SH3KBP1: variants seen among roughly 807,000 people sequenced by gnomAD.
SH3KBP1 encodes the protein SH3 domain containing kinase binding protein 1.
In SH3KBP1, 8 loss-of-function variants were observed where a neutral mutation model predicts 50.1. The ratio of observed to expected loss-of-function variants is 0.16; its 90% CI spans 0.09 to 0.29. The LOEUF (loss-of-function observed/expected upper bound fraction) is 0.29, where lower values mean the gene tolerates loss of function less well. SH3KBP1 is among the 10% of genes least tolerant of loss of function. SH3KBP1 has a pLI of 1.00. For missense variants in SH3KBP1, 377 were observed against 535.2 expected (o/e 0.70, Z 2.92); for synonymous variants, 227 against 218.6 (o/e 1.04, Z -0.34).
intron 7 of SH3KBP1, among the ~76,000 whole-genome samples, chrX:19,632,921 A>G (rs2061611187): frequency 1.8e-5 from 2 of 112,166 alleles, no homozygotes; most frequent in Admixed American, 9.4e-5. Context: ...AATGGCTGTG[A>G]ATGGCCTTAG....
At chrX:19,693,162 G>A (rs2063339155) in intron 5 of SH3KBP1, among the ~76,000 whole-genome samples, 1 of 111,984 alleles carries the variant, frequency 8.9e-6, no homozygotes, top group Non-Finnish European at 1.9e-5. Flanking sequence ...ACTTTGCAGA[G>A]CACCTGGACA....
intron 3 of SH3KBP1, among the ~76,000 whole-genome samples, chrX:19,743,352 T>G (rs1261114444): frequency 9.1e-6 from 1 of 109,421 alleles, no homozygotes; most frequent in Non-Finnish European, 1.9e-5. Context: ...GAGGCTGCAG[T>G]GAGCCATGAT....
chrX:19,608,180 A>T (rs981538063), intron 8 of SH3KBP1, 135 bp from the exon 9 acceptor site: 14 of 465,731 alleles, frequency 3.0e-5, no homozygotes, highest in Non-Finnish European at 4.6e-5. Context: ...AAGTCAGCAC[A>T]AACCCCAATG....
chrX:19,837,759 T>C (rs2068099145), intron 1 of SH3KBP1, among the ~76,000 whole-genome samples: 1 of 110,900 alleles, frequency 9.0e-6, no homozygotes, highest in Non-Finnish European at 1.9e-5. Context: ...CTTTTTTATT[T>C]GCAGATCCGT....
chrX:19,677,144 A>G (rs2062947148), intron 6 of SH3KBP1, among the ~76,000 whole-genome samples: 1 of 112,061 alleles, frequency 8.9e-6, no homozygotes, highest in African/African-American at 3.2e-5. Flanking sequence ...AAAACCCAGC[A>G]TTATTCTATA....
chrX:19,807,436 T>C (rs1197550177), intron 2 of SH3KBP1, among the ~76,000 whole-genome samples: 1 of 111,044 alleles, frequency 9.0e-6, no homozygotes, highest in African/African-American at 3.3e-5. Flanking sequence ...TTATGCTTCT[T>C]GTTCTCTGCT....
chrX:19,578,488 C>T (rs1321458306), intron 12 of SH3KBP1, among the ~76,000 whole-genome samples: 2 of 111,500 alleles, frequency 1.8e-5, no homozygotes, highest in South Asian at 7.6e-4. Flanking sequence ...CAGCTGAAGC[C>T]CCCATTTTAT....
chrX:19,542,805 T>C (rs985650136), intron 15 of SH3KBP1, among the ~76,000 whole-genome samples: 4 of 110,869 alleles, frequency 3.6e-5, no homozygotes, highest in African/African-American at 1.3e-4. Context: ...CAGAGCAAAA[T>C]GCATTGGTGG....
chrX:19,820,519 C>T (rs1306966702), intron 2 of SH3KBP1, among the ~76,000 whole-genome samples: 1 of 111,287 alleles, frequency 9.0e-6, no homozygotes, highest in East Asian at 2.8e-4. Flanking sequence ...TTATATGTAG[C>T]CACTCCTGCT....
At chrX:19,544,891 A>AT (rs2065043204) in intron 15 of SH3KBP1, among the ~76,000 whole-genome samples, 1 of 111,896 alleles carries the variant, frequency 8.9e-6, no homozygotes, top group Non-Finnish European at 1.9e-5. Context: ...GTCCACCAGT[A>AT]GATGTCACTG....
intron 12 of SH3KBP1, among the ~76,000 whole-genome samples, chrX:19,584,280 T>A (rs376552507): frequency 3.3e-5 from 3 of 90,664 alleles, no homozygotes; most frequent in African/African-American, 1.3e-4. Context: ...TATATATATA[T>A]AAATATATTT....
At chrX:19,821,422 A>T (rs1447437896) in intron 2 of SH3KBP1, among the ~76,000 whole-genome samples, 1 of 111,693 alleles carries the variant, frequency 9.0e-6, no homozygotes, top group East Asian at 2.8e-4. Flanking sequence ...TTAATGACAC[A>T]TACCCTATAC....
At chrX:19,805,538 A>C (rs1394345223) in intron 2 of SH3KBP1, among the ~76,000 whole-genome samples, 14 of 108,760 alleles carry the variant, frequency 1.3e-4, no homozygotes, top group Non-Finnish European at 2.5e-4. Context: ...AAAAAAAAAA[A>C]AAAAAACACC....
At chrX:19,876,246 A>G (rs2069246694) in intron 1 of SH3KBP1, among the ~76,000 whole-genome samples, 1 of 111,750 alleles carries the variant, frequency 8.9e-6, no homozygotes, top group African/African-American at 3.3e-5. Flanking sequence ...CTGTAATCCC[A>G]GCTACTCGGG....
At chrX:19,632,014 C>G in intron 7 of SH3KBP1, 56 bp from the exon 8 acceptor site, 1 of 770,648 alleles carries the variant, frequency 1.3e-6, no homozygotes, top group Non-Finnish European at 1.9e-6. Context: ...TGAGCTGGCC[C>G]AGGAGAAAAT....
In SH3KBP1 at chrX:19,631,832, G is replaced by A. The variant is rs371748027; in HGVS notation, c.897+32C>T. On this transcript the variant is annotated intron_variant, in intron 8 of 17. Transcript: ENST00000397821. ...CAGTCAACACCCCAAAGCAGTTCGCGATTTAGAAGGTAGGAGACAACCTTT... is the reference window on the plus strand; with the variant it reads ...CAGTCAACACCCCAAAGCAGTTCGCAATTTAGAAGGTAGGAGACAACCTTT... The A allele has an allele frequency of 4.5e-5, 46 of 1,011,029 alleles. No individual in the cohort carries two copies. In the Middle Eastern group the frequency reaches 7.6e-4, roughly 17 times the overall value. 83.3% of individuals were successfully genotyped at this position (1,011,029 alleles called of 1,213,427 possible).
chrX:19,818,747 G>A (rs753218734), intron 2 of SH3KBP1, among the ~76,000 whole-genome samples: 1 of 111,847 alleles, frequency 8.9e-6, no homozygotes, highest in East Asian at 2.8e-4. Flanking sequence ...CACTGAAGTG[G>A]CCTTGCACAT....
intron 6 of SH3KBP1, among the ~76,000 whole-genome samples, chrX:19,667,431 C>A (rs1433530881): frequency 9.0e-6 from 1 of 110,924 alleles, no homozygotes; most frequent in Non-Finnish European, 1.9e-5. Flanking sequence ...CAAAACCTGT[C>A]TGGGGGCAAC....
At chrX:19,724,229 G>T (rs111239727) in intron 3 of SH3KBP1, among the ~76,000 whole-genome samples, 20 of 111,099 alleles carry the variant, frequency 1.8e-4, no homozygotes, top group Non-Finnish European at 3.4e-4. Context: ...GAAAAAAAAT[G>T]AATGAAGATT....
Sources: gnomAD v4.1 joint callset for allele counts (sites outside exome capture counted in the v4.1 genomes callset) on GRCh38, gnomAD v4.1.1 for gene constraint, MANE v1.5 for transcripts, NCBI Gene and HGNC (gene_info 2026-07-23, HGNC 2026-07-21) for gene names.